Variants in WSCD2 observed in about 807,000 individuals in gnomAD.
The protein encoded by WSCD2 is WSC domain sialate O sulfotransferase 2.
In WSCD2, 28 loss-of-function variants were observed where a neutral mutation model predicts 55.7. The ratio of observed to expected loss-of-function variants is 0.50; its 90% CI spans 0.37 to 0.69. WSCD2 has a LOEUF of 0.69. WSCD2 is among the 30% of genes least tolerant of loss of function. The pLI is 0.00. For missense variants in WSCD2, 616 were observed against 762.1 expected (o/e 0.81, Z 2.26); for synonymous variants, 301 against 301.9 (o/e 1.00, Z 0.03).
intron 1 of WSCD2, among the ~76,000 whole-genome samples, chr12:108,168,815 C>T (rs1010182684): frequency 6.6e-6 from 1 of 152,190 alleles, no homozygotes; most frequent in Non-Finnish European, 1.5e-5. Context: ...TTCTCTCCTG[C>T]ACCTCAGTAT....
intron 8 of WSCD2, among the ~76,000 whole-genome samples, chr12:108,241,661 A>G (rs939506509): frequency 1.3e-5 from 2 of 152,232 alleles, no homozygotes; most frequent in Non-Finnish European, 2.9e-5. Flanking sequence ...ACAAGAAGGT[A>G]TTCTTTACTT....
intron 1 of WSCD2, among the ~76,000 whole-genome samples, chr12:108,147,774 G>A (rs1012287574): frequency 6.6e-6 from 1 of 151,886 alleles, no homozygotes; most frequent in African/African-American, 2.4e-5. Context: ...AGCTTCTTGG[G>A]GAGCTGAGAT....
intron 1 of WSCD2, among the ~76,000 whole-genome samples, chr12:108,173,725 G>A (rs1184249508): frequency 6.6e-6 from 1 of 151,788 alleles, no homozygotes; most frequent in Admixed American, 6.6e-5. Context: ...CAGGAGTCCT[G>A]TCACTGGTCT....
chr12:108,147,305 G>T (rs1877489733), intron 1 of WSCD2, among the ~76,000 whole-genome samples: 1 of 152,174 alleles, frequency 6.6e-6, no homozygotes, highest in Non-Finnish European at 1.5e-5. Context: ...TCAGGCGGGG[G>T]TAGAGAGTGG....
At chr12:108,163,164 A>G (rs1384679856) in intron 1 of WSCD2, among the ~76,000 whole-genome samples, 1 of 152,114 alleles carries the variant, frequency 6.6e-6, no homozygotes, top group Admixed American at 6.5e-5. Context: ...TAAAAAGTCT[A>G]TACCATCCTC....
At chr12:108,157,605 A>G (rs1379162383) in intron 1 of WSCD2, among the ~76,000 whole-genome samples, 1 of 152,192 alleles carries the variant, frequency 6.6e-6, no homozygotes, top group African/African-American at 2.4e-5. Context: ...AATATTTTAT[A>G]TGAAAACCCA....
intron 1 of WSCD2, among the ~76,000 whole-genome samples, chr12:108,162,075 C>T (rs903075715): frequency 6.6e-6 from 1 of 152,154 alleles, no homozygotes; most frequent in Non-Finnish European, 1.5e-5. Context: ...GCACAGAAGC[C>T]AAGTGGCAGA....
At chr12:108,199,243 ATT>A in intron 2 of WSCD2, among the ~76,000 whole-genome samples, 1 of 152,248 alleles carries the variant, frequency 6.6e-6, no homozygotes, top group South Asian at 2.1e-4. Flanking sequence ...CGCTAAACTC[ATT>A]TTGTTTTCTC....
chr12:108,227,952 C>A (rs1234545048), intron 6 of WSCD2, among the ~76,000 whole-genome samples: 1 of 151,856 alleles, frequency 6.6e-6, no homozygotes, highest in African/African-American at 2.4e-5. Flanking sequence ...TGAGGTCTTA[C>A]TCTGTGCCAG....
chr12:108,229,898 A>T (rs1888555386), intron 6 of WSCD2, among the ~76,000 whole-genome samples: 1 of 152,042 alleles, frequency 6.6e-6, no homozygotes, highest in Non-Finnish European at 1.5e-5. Flanking sequence ...ACCTCCAGAA[A>T]AGTCGGAAGA....
intron 1 of WSCD2, among the ~76,000 whole-genome samples, chr12:108,181,915 C>T (rs376274026): frequency 3.3e-5 from 5 of 152,228 alleles, no homozygotes; most frequent in East Asian, 1.9e-4. Context: ...TCTGCCAATA[C>T]GCAGATGCTT....
chr12:108,201,298 C>T (rs1215201797), intron 2 of WSCD2, among the ~76,000 whole-genome samples: 1 of 152,146 alleles, frequency 6.6e-6, no homozygotes, highest in African/African-American at 2.4e-5. Context: ...CCACATTACT[C>T]CAATCTCTGC....
At chr12:108,240,772 G>A (rs1367861577) in intron 8 of WSCD2, among the ~76,000 whole-genome samples, 3 of 152,164 alleles carry the variant, frequency 2.0e-5, no homozygotes, top group Non-Finnish European at 4.4e-5. Context: ...TCTGTGAGCC[G>A]GGCTGCTGCA....
At chr12:108,161,918 T>C (rs1879105457) in intron 1 of WSCD2, among the ~76,000 whole-genome samples, 1 of 152,144 alleles carries the variant, frequency 6.6e-6, no homozygotes, top group African/African-American at 2.4e-5. Flanking sequence ...GAATAACGAA[T>C]GAGACCCCTC....
intron 1 of WSCD2, among the ~76,000 whole-genome samples, chr12:108,158,515 G>A (rs962300591): frequency 2.0e-5 from 3 of 152,096 alleles, no homozygotes; most frequent in African/African-American, 7.2e-5. Context: ...GGTGGGGAGT[G>A]GCCAAAACAG....
intron 4 of WSCD2, among the ~76,000 whole-genome samples, chr12:108,217,316 T>A (rs1295894172): frequency 6.6e-6 from 1 of 152,170 alleles, no homozygotes. Flanking sequence ...CAGGAGAGTG[T>A]CAGGGAAGCC....
chr12:108,133,556 A>G (rs981360100), intron 1 of WSCD2, among the ~76,000 whole-genome samples: 9 of 152,216 alleles, frequency 5.9e-5, no homozygotes, highest in African/African-American at 2.2e-4. Flanking sequence ...GCTTCCAAAC[A>G]GAAACCATCT....
chr12:108,163,042 C>T (rs774271828), intron 1 of WSCD2, among the ~76,000 whole-genome samples: 4 of 152,146 alleles, frequency 2.6e-5, no homozygotes, highest in Non-Finnish European at 4.4e-5. Context: ...GAGGCTGAAT[C>T]GTATTCCTAT....
chr12:108,142,840 G>T (rs1876978251), intron 1 of WSCD2, among the ~76,000 whole-genome samples: 1 of 151,528 alleles, frequency 6.6e-6, no homozygotes, highest in African/African-American at 2.4e-5. Flanking sequence ...TAGAGACAAG[G>T]TCTTGCTCTG....
Sources: allele counts gnomAD v4.1 joint callset (sites outside exome capture counted in the v4.1 genomes callset), GRCh38; gene constraint gnomAD v4.1.1; transcripts MANE v1.5; gene names NCBI Gene and HGNC (gene_info 2026-07-23, HGNC 2026-07-21).